HYOU1: variants seen among roughly 807,000 people sequenced by gnomAD.
The protein encoded by HYOU1 is hypoxia up-regulated protein 1.
In HYOU1, 40 loss-of-function variants were observed where a neutral mutation model predicts 120.5. The ratio of observed to expected loss-of-function variants is 0.33; its 90% CI spans 0.26 to 0.43. The LOEUF (loss-of-function observed/expected upper bound fraction) is 0.43. HYOU1 is among the 20% of genes least tolerant of loss of function. The pLI, the probability that HYOU1 is intolerant of heterozygous loss-of-function variation, is 1.00. For missense variants in HYOU1, 1,085 were observed against 1,278.3 expected (o/e 0.85, Z 2.31); for synonymous variants, 501 against 479.4 (o/e 1.05, Z -0.59).
chr11:119,052,792 G>T lies in HYOU1; in HGVS notation c.832C>A (p.Arg278=), dbSNP rs2133595884. Reference sequence around the variant, plus strand: ...AGCCCAGCCAGGCGTTCTCGAAGCCGGAGCTCCATCTCCAGGCCCCCCAGG... The same window carrying T: ...AGCCCAGCCAGGCGTTCTCGAAGCCTGAGCTCCATCTCCAGGCCCCCCAGG... The part of the protein sequence containing the change: ...RTLGGLEMEL[R]LRERLAGLFN... The change falls in exon 9 of 26, where the codon CGG becomes AGG. Residue 278 remains arginine, a synonymous_variant. Transcript: ENST00000617285. This position sits in a 1 kb window ranked among gnomAD's most constrained non-coding sequence, Gnocchi z 5.0. 11 of 1,614,046 alleles carry T rather than the reference G, an allele frequency of 6.8e-6. No individual in the cohort carries two copies. The highest frequency in any genetic ancestry group is 9.3e-6 in the Non-Finnish European group (11 of 1,179,980).
chr11:119,048,487 A>G lies in HYOU1; in HGVS notation c.2242T>C (p.Phe748Leu). 6.2e-7 allele frequency: 1 copy of G among 1,613,992 alleles called. No individual in the cohort carries two copies. Among genetic ancestry groups the G allele is most frequent in the Non-Finnish European group, 8.5e-7 (1 of 1,179,992 alleles). ...TCCTGCCCACTGACCTGGGTCTCAA[A>G]TATGAATGCTTCCAAGCTGTTGGCA... Reference protein sequence around the residue: ...KAANSLEAFIFETQDKLYQPE... With the variant: ...KAANSLEAFILETQDKLYQPE... The change falls in exon 19 of 26, where the codon TTT (phenylalanine) becomes CTT (leucine). Residue 748 changes from phenylalanine (F) to leucine (L), a missense_variant. Transcript: ENST00000617285. The surrounding 1 kb of genome is among the most constrained non-coding windows in gnomAD (Gnocchi z 4.7).
intron 21 of HYOU1, 51 bp downstream of exon 21, chr11:119,047,896 G>C (rs1944178668): frequency 6.2e-7 from 1 of 1,613,702 alleles, no homozygotes; most frequent in East Asian, 2.2e-5. Flanking sequence ...TGGTAGGAAT[G>C]AAAACCAGTG....
rs1943995458 is a variant in HYOU1, at chr11:119,045,260, G to A, written c.*333C>T. ...AACCTGATACCCTTCCCATCACCGG[G>A]ACCCATCAGCCACTGGCAGCCATTC... On this transcript the variant is annotated 3_prime_UTR_variant, in exon 26 of 26. Coordinates refer to ENST00000617285, the MANE Select transcript of HYOU1 (RefSeq NM_006389.5). The A allele has an allele frequency of 5.9e-6, 3 of 510,492 alleles. No homozygotes were observed. Among genetic ancestry groups the A allele is most frequent in the South Asian group, 1.6e-5 (1 of 64,176 alleles). The allele number at this position is 510,492 out of a possible 1,614,324, so 31.6% of individuals were successfully genotyped here.
chr11:119,053,975 T>G (rs1233383548), intron 8 of HYOU1, 146 bp downstream of exon 8: 1 of 597,784 alleles, frequency 1.7e-6, no homozygotes, highest in Non-Finnish European at 3.0e-6. Context: ...TTACTCTTTG[T>G]GAGTGGTCCC....
In HYOU1 at chr11:119,051,329, C is replaced by T; in HGVS notation, c.1526+109G>A. ...TCCAGCGAAGCTGATCATAGCTGCC[C>T]TGTTTCAGCCCCGCAGGCCCACATC... On this transcript the variant is annotated intron_variant, in intron 13 of 25. Transcript: ENST00000617285. The surrounding 1 kb of genome is among the most constrained non-coding windows in gnomAD (Gnocchi z 4.2). 1 of 1,485,178 alleles carries T rather than the reference C, an allele frequency of 6.7e-7. No individual in the cohort carries two copies. 92.0% of individuals were successfully genotyped at this position (1,485,178 alleles called of 1,614,324 possible).
At position 119,048,001 on chromosome 11, in the gene HYOU1, G is replaced by C; in HGVS notation, c.2456C>G (p.Pro819Arg). Residue 819 changes from proline (P) to arginine (R), a missense_variant, in exon 21 of 26, where the codon CCC becomes CGC. By Grantham distance (103) the Pro-to-Arg change is moderately radical. This residue lies in a region of HYOU1 where 516 missense variants were observed against 517.1 expected (regional missense o/e 1.00). Coordinates refer to ENST00000617285, the MANE Select transcript of HYOU1 (RefSeq NM_006389.5). This position sits in a 1 kb window ranked among gnomAD's most constrained non-coding sequence, Gnocchi z 4.7. ...ATTATCGAGGGCAGACAGCCGTTCG[G>C]GCCACTTCTTGCGCTCCTCTACCCG... is the stretch of plus-strand genomic sequence containing the variant. Reference protein sequence around the residue: ...FFRVEERKKWPERLSALDNLL... With the variant: ...FFRVEERKKWRERLSALDNLL... 1 of 1,614,190 alleles carries C rather than the reference G, an allele frequency of 6.2e-7. No individual in the cohort carries two copies. Among genetic ancestry groups the C allele is most frequent in the Non-Finnish European group, 8.5e-7 (1 of 1,180,032 alleles).
chr11:119,045,295 C>A lies in HYOU1; in HGVS notation c.*298G>T. On this transcript the variant is annotated 3_prime_UTR_variant, in exon 26 of 26. Transcript: ENST00000617285. ...CCACTGGCAGCCATTCTCTTCCTAC[C>A]CACAGGCAAAGGATTCAGAAATTAA... The A allele has an allele frequency of 3.6e-6, 2 of 555,512 alleles. No individual in the cohort carries two copies. The highest frequency in any genetic ancestry group is 6.8e-6 in the Non-Finnish European group (2 of 292,242). The allele number at this position is 555,512 out of a possible 1,614,324, so 34.4% of individuals were successfully genotyped here.
rs2133613191 is a variant in HYOU1, at chr11:119,055,396, C to T, written c.265-57G>A. 34 of 1,607,146 alleles carry T rather than the reference C, an allele frequency of 2.1e-5. No homozygotes were observed. In the African/African-American group the frequency reaches 4.3e-4, roughly 20 times the overall value. ...AGGCTCCCAAGTCCACCATTACCTACCTCTTACATCACAGAGACTGATAAG... is the reference window on the plus strand; with the variant it reads ...AGGCTCCCAAGTCCACCATTACCTATCTCTTACATCACAGAGACTGATAAG... On this transcript the variant is annotated intron_variant, in intron 4 of 25. Coordinates refer to ENST00000617285, the MANE Select transcript of HYOU1 (RefSeq NM_006389.5). The surrounding 1 kb of genome is among the most constrained non-coding windows in gnomAD (Gnocchi z 4.0).
rs1046244492 is a variant in HYOU1 at position 119,056,085 on chromosome 11, G to C, written c.76C>G (p.Leu26Val). Residue 26 changes from leucine (L) to valine (V), a missense_variant, in exon 2 of 26, where the codon CTG becomes GTG. Around this residue, in one of 4 missense-constraint regions of HYOU1, gnomAD observed 45 missense variants for 49.2 expected, o/e 0.91. Transcript: ENST00000617285. ...GGGTACATACCACTCAGTGCCAACAGGTCTGCCAAGAGCACAGCCACCAAG... is the reference window on the plus strand; with the variant it reads ...GGGTACATACCACTCAGTGCCAACACGTCTGCCAAGAGCACAGCCACCAAG... ...WALVAVLLAD[L>V]LALSDTLAVM... 2 of 1,613,830 alleles carry C rather than the reference G, an allele frequency of 1.2e-6. No individual in the cohort carries two copies. The highest frequency in any genetic ancestry group is 1.3e-5 in the African/African-American group (1 of 74,920).
In HYOU1 at chr11:119,054,143, G is replaced by C. The variant is rs144079825; in HGVS notation, c.772C>G (p.Gln258Glu). 175 of 1,612,260 alleles carry C rather than the reference G, an allele frequency of 1.1e-4. No individual in the cohort carries two copies. In the East Asian group the frequency reaches 2.7e-3, roughly 25 times the overall value. Residue 258 changes from glutamine (Q) to glutamate (E), a missense_variant, in exon 8 of 26, where the codon CAG becomes GAG. By Grantham distance (29) the Gln-to-Glu change is conservative (BLOSUM62 2). Transcript: ENST00000617285. ...TACCCTACTCCCCGGATCTGCAGCT[G>C]TGGCTGCATCCCAGCTTCCTTAGTC... ...VKTKEAGMQP[Q>E]LQIRGVGFDR...
chr11:119,045,524 C>T lies in HYOU1; in HGVS notation c.*69G>A, dbSNP rs1295509212. ...GGCAGGACCAACCCCTCCCCCAACC[C>T]TCGATGTTAAATAAATAGAAGTGGT... On this transcript the variant is annotated 3_prime_UTR_variant, in exon 26 of 26. Transcript: ENST00000617285. 2 of 1,372,328 alleles carry T rather than the reference C, an allele frequency of 1.5e-6. No individual in the cohort carries two copies. The highest frequency in any genetic ancestry group is 2.8e-5 in the African/African-American group (2 of 70,338). The allele number at this position is 1,372,328 out of a possible 1,614,324, so 85.0% of individuals were successfully genotyped here.
In HYOU1 at chr11:119,052,752, C is replaced by T; in HGVS notation, c.872G>A (p.Arg291His). ...ERLAGLFNEQ[R>H]KGQRAKDVRE... ...CACATCCTTTGCTCTCTGACCCTTG[C>T]GCTGCTCATTGAAAAGCCCAGCCAG... The change falls in exon 9 of 26, where the codon CGC (arginine) becomes CAC (histidine). Residue 291 changes from arginine (R) to histidine (H), a missense_variant. This residue lies in a region of HYOU1 where 515 missense variants were observed against 677.8 expected (regional missense o/e 0.76). Transcript: ENST00000617285. This position sits in a 1 kb window ranked among gnomAD's most constrained non-coding sequence, Gnocchi z 5.0. The T allele has an allele frequency of 5.6e-6, 9 of 1,614,210 alleles. No homozygotes were observed. Among genetic ancestry groups the T allele is most frequent in the South Asian group, 2.2e-5 (2 of 91,080 alleles).
At chr11:119,047,602 A>G (rs2133557159) in intron 22 of HYOU1, 132 bp downstream of exon 22, 15 of 772,428 alleles carry the variant, frequency 1.9e-5, no homozygotes, top group African/African-American at 1.2e-4. Context: ...GGGCTCAAAT[A>G]CAAACATCTT....
At chr11:119,056,770 G>A (rs1036418829) in intron 1 of HYOU1, 34 of 219,630 alleles carry the variant, frequency 1.5e-4, no homozygotes, top group African/African-American at 7.4e-4. Flanking sequence ...CCCGCCCGGC[G>A]GGTAGCCGTT....
In HYOU1 at chr11:119,055,157, A is replaced by G. The variant is rs2133610557; in HGVS notation, c.419+28T>C. On this transcript the variant is annotated intron_variant, in intron 5 of 25. Coordinates refer to ENST00000617285, the MANE Select transcript of HYOU1 (RefSeq NM_006389.5). This position sits in a 1 kb window ranked among gnomAD's most constrained non-coding sequence, Gnocchi z 4.0. ...AATGAGGAGCCCAGCAGCGTTGCCG[A>G]GACCACCTTCCCCAACAGAGCACTC... 1 of 1,611,598 alleles carries G rather than the reference A, an allele frequency of 6.2e-7. No homozygotes were observed. The highest frequency in any genetic ancestry group is 1.7e-5 in the Admixed American group (1 of 59,910).
At position 119,046,880 on chromosome 11, in the gene HYOU1, C is replaced by A. The variant is rs1228050760; in HGVS notation, c.2596-78G>T. 9.8e-6 allele frequency: 15 copies of A among 1,534,554 alleles called. No homozygotes were observed. In the East Asian group the frequency reaches 3.4e-4, roughly 34 times the overall value. ...CTCTGTCCCAGATGGAATCACACCC[C>A]CAACCAGCCTCTTCCCTCAGACTGC... On this transcript the variant is annotated intron_variant, in intron 22 of 25. Transcript: ENST00000617285.
chr11:119,050,285 C>T (rs2133578038), intron 14 of HYOU1, among the ~76,000 whole-genome samples: 3 of 151,952 alleles, frequency 2.0e-5, no homozygotes, highest in Non-Finnish European at 4.4e-5. Context: ...TGGTGGCAGG[C>T]GCCTGTAATC....
chr11:119,049,622 G>A lies in HYOU1; in HGVS notation c.1740C>T (p.Thr580=). The A allele has an allele frequency of 6.2e-7, 1 of 1,614,160 alleles. No individual in the cohort carries two copies. The highest frequency in any genetic ancestry group is 1.3e-5 in the African/African-American group (1 of 75,012). Residue 580 remains threonine (T), a synonymous_variant, in exon 16 of 26, where the codon ACC becomes ACT. Transcript: ENST00000617285. ...EESTLTKLGN[T]ISSLFGGGTT... Reference sequence around the variant, plus strand: ...TACCGCCTCCAAACAGGCTGGAAATGGTGTTGCCAAGTTCTAGGGGGAGTA... The same window carrying A: ...TACCGCCTCCAAACAGGCTGGAAATAGTGTTGCCAAGTTCTAGGGGGAGTA...
chr11:119,049,174 G>A lies in HYOU1; in HGVS notation c.1836C>T (p.Ser612=), dbSNP rs1344528392. The change falls in exon 17 of 26, where the codon AGC becomes AGT. Residue 612 remains serine (S), a synonymous_variant. Coordinates refer to ENST00000617285, the MANE Select transcript of HYOU1 (RefSeq NM_006389.5). ...QEEEESPAEG[S]KDEPGEQVEL... ...CCACCTGCTCCCCAGGCTCGTCCTT[G>A]CTCCCCTCTGCAGGGCTCTCCTCTT... 2 of 1,608,192 alleles carry A rather than the reference G, an allele frequency of 1.2e-6. No homozygotes were observed. The highest frequency in any genetic ancestry group is 1.7e-6 in the Non-Finnish European group (2 of 1,177,006).
Sources: gnomAD v4.1 joint callset for allele counts (sites outside exome capture counted in the v4.1 genomes callset) on GRCh38, gnomAD v4.1.1 for gene constraint, gnomAD v4.1.1 regional missense constraint, Gnocchi (gnomAD v3.1) non-coding constraint, MANE v1.5 for transcripts, NCBI Gene and HGNC (gene_info 2026-07-23, HGNC 2026-07-21) for gene names.